ASCC3: variants seen among roughly 807,000 people sequenced by gnomAD.
The protein encoded by ASCC3 is ASC-1 complex subunit P200.
Under a neutral mutation model 256.3 loss-of-function variants are expected in ASCC3, and 158 were observed. The ratio of observed to expected loss-of-function variants is 0.62; its 90% confidence interval spans 0.54 to 0.70. ASCC3 has a LOEUF of 0.70. Among genes scored for constraint, ASCC3 ranks in the 30% least tolerant of loss-of-function variants. The pLI is 0.00. For missense variants in ASCC3, 2,259 were observed against 2,626.0 expected (o/e 0.86, Z 3.05); for synonymous variants, 948 against 883.4 (o/e 1.07, Z -1.30).
In ASCC3 at chr6:100,800,351, T is replaced by A. The variant is rs757984269; in HGVS notation, c.1076A>T (p.Glu359Val). 1 of 1,613,104 alleles carries A rather than the reference T, an allele frequency of 6.2e-7. No homozygotes were observed. The highest frequency in any genetic ancestry group is 8.5e-7 in the Non-Finnish European group (1 of 1,179,382). ...RREKKAGEDLEVSEGLMCFDP... is the reference protein window; with the variant it reads ...RREKKAGEDLVVSEGLMCFDP... Reference sequence around the variant, plus strand: ...AAAGCACATAAGTCCTTCTGAAACTTCTAAATCTTCTCCAGCCTTTTTTTC... The same window carrying A: ...AAAGCACATAAGTCCTTCTGAAACTACTAAATCTTCTCCAGCCTTTTTTTC... Residue 359 changes from glutamate to valine, a missense_variant, in exon 6 of 42, where the codon GAA becomes GTA. By Grantham distance (121) the Glu-to-Val change is moderately radical. Transcript: ENST00000369162.
intron 37 of ASCC3, among the ~76,000 whole-genome samples, chr6:100,539,173 C>A (rs947387036): frequency 6.6e-6 from 1 of 152,196 alleles, no homozygotes; most frequent in African/African-American, 2.4e-5. Flanking sequence ...AAACCACCAT[C>A]ATTTATTGTC....
chr6:100,872,722 A>T (rs1773805905), intron 1 of ASCC3, among the ~76,000 whole-genome samples: 1 of 152,196 alleles, frequency 6.6e-6, no homozygotes, highest in Non-Finnish European at 1.5e-5. Flanking sequence ...GTCTCTGTGT[A>T]GACAACCCCC....
chr6:100,620,948 A>C (rs752305505), intron 30 of ASCC3, among the ~76,000 whole-genome samples: 1 of 152,224 alleles, frequency 6.6e-6, no homozygotes, highest in Non-Finnish European at 1.5e-5. Flanking sequence ...ATCACACTGA[A>C]TTTACATAGT....
intron 4 of ASCC3, among the ~76,000 whole-genome samples, chr6:100,807,470 G>A (rs190886512): frequency 1.2e-4 from 18 of 151,766 alleles, no homozygotes; most frequent in Admixed American, 3.3e-4. Flanking sequence ...TAGAAGTCCC[G>A]GACACTTAGG....
At chr6:100,851,778 C>T (rs546487256) in intron 3 of ASCC3, among the ~76,000 whole-genome samples, 1 of 152,248 alleles carries the variant, frequency 6.6e-6, no homozygotes, top group Admixed American at 6.5e-5. Context: ...CTGGGAGTTC[C>T]ACCAGCCAAC....
chr6:100,755,939 T>C (rs1157004152), intron 10 of ASCC3, among the ~76,000 whole-genome samples: 1 of 152,070 alleles, frequency 6.6e-6, no homozygotes, highest in African/African-American at 2.4e-5. Context: ...AAAAAAATAG[T>C]AAACTTTTTT....
chr6:100,665,607 G>A (rs910228351), intron 14 of ASCC3, among the ~76,000 whole-genome samples: 1 of 151,896 alleles, frequency 6.6e-6, no homozygotes, highest in Non-Finnish European at 1.5e-5. Flanking sequence ...GGGCATGGTG[G>A]CATGTGCCTG....
intron 14 of ASCC3, among the ~76,000 whole-genome samples, chr6:100,678,224 G>A (rs180725133): frequency 6.6e-6 from 1 of 152,154 alleles, no homozygotes; most frequent in African/African-American, 2.4e-5. Flanking sequence ...AAAGAAACCA[G>A]AAATCCACAA....
At chr6:100,798,672 C>A in intron 8 of ASCC3, 41 bp downstream of exon 8, 1 of 1,608,968 alleles carries the variant, frequency 6.2e-7, no homozygotes, top group South Asian at 1.1e-5. Flanking sequence ...TACCGCATAC[C>A]AAGCCTCAAA....
intron 36 of ASCC3, among the ~76,000 whole-genome samples, chr6:100,589,215 G>T (rs535750710): frequency 2.6e-5 from 4 of 152,076 alleles, no homozygotes; most frequent in Admixed American, 6.5e-5. Flanking sequence ...TTAATTCTAA[G>T]AACTTAATTG....
intron 30 of ASCC3, among the ~76,000 whole-genome samples, chr6:100,622,290 T>C (rs2114847661): frequency 6.6e-6 from 1 of 152,164 alleles, no homozygotes; most frequent in South Asian, 2.1e-4. Flanking sequence ...TGGAGGTAAT[T>C]GAATCATGGG....
chr6:100,824,050 C>T (rs1444755625), intron 4 of ASCC3, among the ~76,000 whole-genome samples: 1 of 151,908 alleles, frequency 6.6e-6, no homozygotes, highest in South Asian at 2.1e-4. Context: ...TATAATGAGC[C>T]TAAATATGAA....
intron 4 of ASCC3, among the ~76,000 whole-genome samples, chr6:100,840,846 T>G (rs1235286730): frequency 6.6e-6 from 1 of 151,866 alleles, no homozygotes; most frequent in East Asian, 1.9e-4. Context: ...AGACCTAAAT[T>G]TTCTAAAATT....
intron 34 of ASCC3, among the ~76,000 whole-genome samples, chr6:100,595,473 G>A (rs1468368565): frequency 1.3e-5 from 2 of 152,060 alleles, no homozygotes; most frequent in East Asian, 1.9e-4. Flanking sequence ...AATTTACTTA[G>A]GCACATTTTT....
At chr6:100,850,098 C>CAAAAAAAAAAAAAAA (rs61582863) in intron 3 of ASCC3, among the ~76,000 whole-genome samples, 1 of 80,612 alleles carries the variant, frequency 1.2e-5, no homozygotes, top group Non-Finnish European at 2.4e-5. Context: ...GAGACTCTAT[C>CAAAAAAAAAAAAAAA]AAAAAAAAAA....
At chr6:100,634,768 C>T (rs1774745425) in intron 25 of ASCC3, among the ~76,000 whole-genome samples, 1 of 151,134 alleles carries the variant, frequency 6.6e-6, no homozygotes, top group Admixed American at 6.6e-5. Context: ...AACCTGTAGT[C>T]CCAGCTACTC....
At chr6:100,624,980 C>T (rs534088856) in intron 30 of ASCC3, among the ~76,000 whole-genome samples, 8 of 151,344 alleles carry the variant, frequency 5.3e-5, no homozygotes, top group Admixed American at 2.6e-4. Flanking sequence ...CAGGTGATAA[C>T]GTTAAAGGAA....
intron 10 of ASCC3, among the ~76,000 whole-genome samples, chr6:100,755,371 T>C (rs1431819950): frequency 2.0e-5 from 3 of 151,664 alleles, no homozygotes; most frequent in Non-Finnish European, 4.4e-5. Context: ...TTCCTCTTTT[T>C]TTTTTCTTTT....
chr6:100,547,367 A>G (rs1253558696), intron 36 of ASCC3, among the ~76,000 whole-genome samples: 2 of 152,032 alleles, frequency 1.3e-5, no homozygotes, highest in African/African-American at 2.4e-5. Flanking sequence ...AAAAAAAATG[A>G]TCAGCTGAAC....
Sources: allele counts gnomAD v4.1 joint callset (sites outside exome capture counted in the v4.1 genomes callset), GRCh38; gene constraint gnomAD v4.1.1; transcripts MANE v1.5; gene names NCBI Gene and HGNC (gene_info 2026-07-23, HGNC 2026-07-21).